The following RPS6KC1 variants were observed in gnomAD, a reference collection of about 807,000 sequenced individuals.
RPS6KC1 encodes the protein inactive ribosomal protein S6 kinase delta-1.
A neutral mutation model predicts 103.8 loss-of-function variants in RPS6KC1; 54 were observed. The observed-to-expected ratio is 0.52, with a 90% confidence interval of 0.42 to 0.65. The LOEUF is 0.65. Ranked by LOEUF, RPS6KC1 falls within the 30% of genes least tolerant of loss-of-function variation. The pLI is 0.00. For synonymous variants in RPS6KC1, 439 were observed against 438.7 expected (o/e 1.00, Z -0.01); for missense variants, 1,151 against 1,253.8 (o/e 0.92, Z 1.24).
At chr1:213,586,572 C>T in the RPS6KC1 span, among the ~76,000 whole-genome samples, 2 of 152,298 alleles carry the variant, frequency 1.3e-5, no homozygotes, top group East Asian at 3.9e-4. Context: ...TTAGCTGATA[C>T]TTTACATTAT....
chr1:213,149,230 C>T (rs1032910345), intron 6 of RPS6KC1, among the ~76,000 whole-genome samples: 3 of 151,906 alleles, frequency 2.0e-5, no homozygotes, highest in Admixed American at 1.3e-4. Flanking sequence ...TCTTGCTTTT[C>T]TAGTTGTGTA....
At chr1:213,763,441 A>G in the RPS6KC1 span, among the ~76,000 whole-genome samples, 1 of 152,308 alleles carries the variant, frequency 6.6e-6, no homozygotes, top group East Asian at 1.9e-4. Context: ...GACCTAACTC[A>G]TCCTCTAGTC....
the RPS6KC1 span, among the ~76,000 whole-genome samples, chr1:213,745,235 T>C: frequency 6.6e-6 from 1 of 151,942 alleles, no homozygotes; most frequent in South Asian, 2.1e-4. Context: ...GGGTTTTTTT[T>C]TTTCTTTATG....
At chr1:213,450,294 C>T in the RPS6KC1 span, among the ~76,000 whole-genome samples, 1 of 151,618 alleles carries the variant, frequency 6.6e-6, no homozygotes, top group South Asian at 2.1e-4. Context: ...TCAAAGCCAG[C>T]AGGTTTCATC....
At chr1:213,268,429 CT>C (rs2094960857) in intron 14 of RPS6KC1, among the ~76,000 whole-genome samples, 2 of 151,738 alleles carry the variant, frequency 1.3e-5, no homozygotes, top group South Asian at 4.2e-4. Flanking sequence ...ACAGGAATTC[CT>C]TCAGGCTGGA....
intron 3 of RPS6KC1, among the ~76,000 whole-genome samples, chr1:213,088,482 C>T (rs538661019): frequency 6.6e-6 from 1 of 152,014 alleles, no homozygotes; most frequent in African/African-American, 2.4e-5. Flanking sequence ...CCGGCTTCAG[C>T]CTCTTGAATA....
At chr1:213,672,215 T>C in the RPS6KC1 span, among the ~76,000 whole-genome samples, 1 of 152,204 alleles carries the variant, frequency 6.6e-6, no homozygotes, top group African/African-American at 2.4e-5. Flanking sequence ...ACTCAACACA[T>C]CCTCTCCTAT....
intron 1 of RPS6KC1, among the ~76,000 whole-genome samples, chr1:213,058,650 GATT>G (rs1299183687): frequency 6.6e-6 from 1 of 151,816 alleles, no homozygotes; most frequent in Non-Finnish European, 1.5e-5. Context: ...ATACAATCTT[GATT>G]ATTATAGCTT....
chr1:213,523,040 G>A, the RPS6KC1 span, among the ~76,000 whole-genome samples: 1 of 152,092 alleles, frequency 6.6e-6, no homozygotes. Context: ...TCATTTCTAG[G>A]TTTTGCTCTA....
At chr1:213,680,943 G>A in the RPS6KC1 span, among the ~76,000 whole-genome samples, 1 of 152,322 alleles carries the variant, frequency 6.6e-6, no homozygotes, top group African/African-American at 2.4e-5. Flanking sequence ...TATGAAATAT[G>A]CATTAATTGC....
the RPS6KC1 span, among the ~76,000 whole-genome samples, chr1:213,620,516 G>A: frequency 3.9e-5 from 6 of 152,210 alleles, no homozygotes; most frequent in African/African-American, 1.4e-4. Context: ...CCCAGAACTA[G>A]CAAATTTCAC....
chr1:213,610,001 C>T, the RPS6KC1 span, among the ~76,000 whole-genome samples: 1 of 151,990 alleles, frequency 6.6e-6, no homozygotes, highest in South Asian at 2.1e-4. Flanking sequence ...GAGGAATATA[C>T]ATACATGAAC....
the RPS6KC1 span, among the ~76,000 whole-genome samples, chr1:213,601,931 TC>T: frequency 8.4e-6 from 1 of 118,836 alleles, no homozygotes; most frequent in African/African-American, 3.1e-5. Context: ...CTCCCTCCCT[TC>T]CTTCCTTCTT....
chr1:213,491,651 A>G, the RPS6KC1 span, among the ~76,000 whole-genome samples: 7 of 152,336 alleles, frequency 4.6e-5, no homozygotes, highest in South Asian at 1.5e-3. Flanking sequence ...GAGCTGGCGA[A>G]CAGGTGACTG....
At chr1:213,592,527 T>A in the RPS6KC1 span, among the ~76,000 whole-genome samples, 1 of 152,162 alleles carries the variant, frequency 6.6e-6, no homozygotes, top group Non-Finnish European at 1.5e-5. Flanking sequence ...TAGCAGGTGC[T>A]CTCCAGTTGG....
intron 6 of RPS6KC1, among the ~76,000 whole-genome samples, chr1:213,137,775 C>CTCTCTA (rs1295773311): frequency 6.2e-5 from 2 of 32,232 alleles, no homozygotes; most frequent in African/African-American, 2.0e-4. Flanking sequence ...CTCTCTCTCT[C>CTCTCTA]TCTATATATA....
At chr1:213,167,431 A>G (rs1236195219) in intron 6 of RPS6KC1, among the ~76,000 whole-genome samples, 7 of 138,434 alleles carry the variant, frequency 5.1e-5, no homozygotes, top group Non-Finnish European at 9.3e-5. Flanking sequence ...AAAAAAACCA[A>G]GGTTGAAAAC....
the RPS6KC1 span, among the ~76,000 whole-genome samples, chr1:213,507,541 A>G: frequency 7.0e-6 from 1 of 142,156 alleles, no homozygotes. Flanking sequence ...ATTCAGGTCA[A>G]CCCTCTCATT....
chr1:213,391,520 T>G, the RPS6KC1 span, among the ~76,000 whole-genome samples: 2 of 152,210 alleles, frequency 1.3e-5, no homozygotes, highest in African/African-American at 4.8e-5. Flanking sequence ...AATAATTTTT[T>G]GGTCAGGGTG....
Sources: gnomAD v4.1 joint callset for allele counts (sites outside exome capture counted in the v4.1 genomes callset) on GRCh38, gnomAD v4.1.1 for gene constraint, MANE v1.5 for transcripts, NCBI Gene and HGNC (gene_info 2026-07-23, HGNC 2026-07-21) for gene names.